The following ULBP2 variants were observed in gnomAD, a reference collection of about 807,000 sequenced individuals.
ULBP2 encodes the protein UL16 binding protein 2.
Under a neutral mutation model 23.6 loss-of-function variants are expected in ULBP2, and 21 were observed. The ratio of observed to expected loss-of-function variants is 0.89; its 90% CI spans 0.63 to 1.28. The LOEUF (loss-of-function observed/expected upper bound fraction) is 1.28. Among genes scored for constraint, ULBP2 ranks in the 50% most tolerant of loss-of-function variants. The pLI, the probability that ULBP2 is intolerant of heterozygous loss-of-function variation, is 0.00. For missense variants in ULBP2, 251 were observed against 306.0 expected, an observed-to-expected ratio of 0.82 and a Z score of 1.34; for synonymous variants, 82 against 112.8, an observed-to-expected ratio of 0.73 and a Z score of 1.73.
intron 4 of ULBP2, among the ~76,000 whole-genome samples, chr6:149,947,863 G>T (rs1468997489): frequency 2.0e-5 from 3 of 152,042 alleles, no homozygotes; most frequent in Non-Finnish European, 2.9e-5. Flanking sequence ...GGTGTGACAG[G>T]GGAAGGGGGA....
At position 149,942,298 on chromosome 6, in the gene ULBP2, CGG is replaced by C. The variant is rs1476883069; in HGVS notation, c.85+142_85+143del. On this transcript the variant is annotated intron_variant, in intron 1 of 4. Coordinates refer to ENST00000367351, the MANE Select transcript of ULBP2 (RefSeq NM_025217.4). ...TGCGCCCCCGTTCAGTTCCGGTCGG[CGG>C]CTCCTTCCTGCTGGGTGCAGTCCCC... 13 of 848,430 alleles carry C rather than the reference CGG, an allele frequency of 1.5e-5. No homozygotes were observed. In the African/African-American group the frequency reaches 2.2e-4, roughly 15 times the overall value. The allele number at this position is 848,430 out of a possible 1,614,324, so 52.6% of individuals were successfully genotyped here. A position where few individuals can be genotyped will look rare whatever the true frequency, so the allele number is the denominator to read the frequency against.
In ULBP2 at chr6:149,942,055, T is replaced by C. The variant is rs192453354; in HGVS notation, c.-18T>C. The C allele has an allele frequency of 6.8e-6, 11 of 1,612,118 alleles. No homozygotes were observed. The Admixed American group carries it at 1.7e-4, about 24-fold the overall frequency. ...CTCCTTCCATCAAGTCTCTCATCCCTAGCGCTCTGGGTCCTTAATGGCAGC... is the reference window on the plus strand; with the variant it reads ...CTCCTTCCATCAAGTCTCTCATCCCCAGCGCTCTGGGTCCTTAATGGCAGC... On this transcript the variant is annotated 5_prime_UTR_variant, in exon 1 of 5. Coordinates refer to ENST00000367351, the MANE Select transcript of ULBP2 (RefSeq NM_025217.4).
chr6:149,942,773 C>T (rs1023745069), intron 1 of ULBP2, among the ~76,000 whole-genome samples: 1 of 152,158 alleles, frequency 6.6e-6, no homozygotes, highest in African/African-American at 2.4e-5. Context: ...AGCTGGTCAC[C>T]CCAGAGGTCT....
intron 2 of ULBP2, among the ~76,000 whole-genome samples, 163 bp from the exon 3 acceptor site, chr6:149,946,206 CAAA>C (rs67763917): frequency 1.6e-5 from 2 of 126,270 alleles, no homozygotes; most frequent in Admixed American, 8.2e-5. Flanking sequence ...GACCCTTTCT[CAAA>C]AAAAAAAAAA....
intron 1 of ULBP2, among the ~76,000 whole-genome samples, chr6:149,942,979 A>C (rs561827653): frequency 2.3e-3 from 356 of 152,312 alleles, no homozygotes; most frequent in African/African-American, 7.6e-3. Context: ...CTTGGGGCCC[A>C]GACCGCCTGT....
rs886613110 is a variant in ULBP2 at position 149,947,236 on chromosome 6, G to A, written c.632-84G>A. On this transcript the variant is annotated intron_variant, in intron 3 of 4. Coordinates refer to ENST00000367351, the MANE Select transcript of ULBP2 (RefSeq NM_025217.4). ...GGACAAAACTTTTGCCTTCCAGGAT[G>A]ACCTAGGGTGGCAGGAACTGAGGAG... The A allele has an allele frequency of 1.9e-6, 3 of 1,570,476 alleles. No homozygotes were observed. The African/African-American group carries it at 4.1e-5, about 21-fold the overall frequency.
intron 1 of ULBP2, among the ~76,000 whole-genome samples, chr6:149,944,836 C>T (rs914749643): frequency 7.3e-6 from 1 of 137,640 alleles, no homozygotes; most frequent in Non-Finnish European, 1.5e-5. Context: ...ATGTTAAATC[C>T]TGTGGCCATG....
In ULBP2 at chr6:149,946,503, G is replaced by A. The variant is rs755510911; in HGVS notation, c.481G>A (p.Val161Ile). The change falls in exon 3 of 5, where the codon GTT becomes ATT. Residue 161 changes from valine (V) to isoleucine (I), a missense_variant. By Grantham distance (29) the Val-to-Ile change is conservative (BLOSUM62 3). Coordinates refer to ENST00000367351, the MANE Select transcript of ULBP2 (RefSeq NM_025217.4). ...FDSEKRMWTT[V>I]HPGARKMKEK... ...CTCAGAGAAGAGAATGTGGACAACG[G>A]TTCATCCTGGAGCCAGAAAGATGAA... is the stretch of plus-strand genomic sequence containing the variant. The A allele has an allele frequency of 2.5e-6, 4 of 1,614,142 alleles. No individual in the cohort carries two copies. The highest frequency in any genetic ancestry group is 1.7e-5 in the Admixed American group (1 of 60,018).
Position 149,946,437 on chromosome 6 carries a change from T to C in ULBP2, c.415T>C (p.Trp139Arg). The change falls in exon 3 of 5, where the codon TGG (tryptophan) becomes CGG (arginine). Residue 139 changes from tryptophan to arginine, a missense_variant. Physicochemically the swap from Trp to Arg is moderately radical, Grantham distance 101 (BLOSUM62 -3). This residue lies in a region of ULBP2 where 248 missense variants were observed against 258.9 expected (regional missense o/e 0.96). Coordinates refer to ENST00000367351, the MANE Select transcript of ULBP2 (RefSeq NM_025217.4). ...AGCTGAAGGACACAGCAGTGGATCT[T>C]GGCAGTTCAGTTTCGATGGGCAGAT... ...QKAEGHSSGS[W>R]QFSFDGQIFL... 2 of 1,614,180 alleles carry C rather than the reference T, an allele frequency of 1.2e-6. No individual in the cohort carries two copies. Among genetic ancestry groups the C allele is most frequent in the Non-Finnish European group, 1.7e-6 (2 of 1,180,034 alleles).
At position 149,943,097 on chromosome 6, in the gene ULBP2, G is replaced by T. The variant is rs375244060; in HGVS notation, c.85+940G>T. On this transcript the variant is annotated intron_variant, in intron 1 of 4. Coordinates refer to ENST00000367351, the MANE Select transcript of ULBP2 (RefSeq NM_025217.4). Reference sequence around the variant, plus strand: ...GGATGCCCTGTGATCTTTGCAGGCCGTGGGTTCTCCGTCTCAGTGTCCAGT... The same window carrying T: ...GGATGCCCTGTGATCTTTGCAGGCCTTGGGTTCTCCGTCTCAGTGTCCAGT... 7.2e-3 allele frequency among the ~76,000 whole-genome samples: 1,100 copies of T among 152,182 alleles called. 47 individuals carry two copies. Among genetic ancestry groups the T allele is most frequent in the Admixed American group, 0.068 (1,045 of 15,288 alleles).
At chr6:149,947,179 G>A (rs1778955863) in intron 3 of ULBP2, 141 bp from the exon 4 acceptor site, 6 of 1,510,168 alleles carry the variant, frequency 4.0e-6, no homozygotes, top group Admixed American at 3.9e-5. Flanking sequence ...GCCAGGACCT[G>A]TCATACTGGC....
At chr6:149,942,728 C>T (rs1778882123) in intron 1 of ULBP2, among the ~76,000 whole-genome samples, 1 of 152,168 alleles carries the variant, frequency 6.6e-6, no homozygotes, top group Non-Finnish European at 1.5e-5. Flanking sequence ...ACTGCCACCA[C>T]CCAGGTCACG....
In ULBP2 at chr6:149,948,824, T is replaced by C; in HGVS notation, c.*124T>C. ...GACCTACGGTGTATGTCCAGTGGCC[T>C]CCAGCAGATCATGATGACATCATGG... On this transcript the variant is annotated 3_prime_UTR_variant, in exon 5 of 5. Transcript: ENST00000367351. The C allele has an allele frequency of 2.2e-6, 1 of 454,880 alleles. No individual in the cohort carries two copies. The highest frequency in any genetic ancestry group is 1.6e-5 in the South Asian group (1 of 64,282). The allele number at this position is 454,880 out of a possible 1,614,324, so 28.2% of individuals were successfully genotyped here.
chr6:149,946,184 G>A (rs1331993017), intron 2 of ULBP2, among the ~76,000 whole-genome samples, 188 bp from the exon 3 acceptor site: 1 of 147,174 alleles, frequency 6.8e-6, no homozygotes, highest in African/African-American at 2.5e-5. Context: ...TCCAGCCTGG[G>A]TGACAGAGCG....
intron 2 of ULBP2, among the ~76,000 whole-genome samples, chr6:149,946,025 G>A (rs71549113): frequency 1.3e-5 from 2 of 150,898 alleles, no homozygotes; most frequent in Non-Finnish European, 2.9e-5. Context: ...GGCGGATCAC[G>A]AGGTTAAGAG....
Position 149,942,100 on chromosome 6 carries a change from C to T in ULBP2, c.28C>T (p.Leu10Phe). The change falls in exon 1 of 5, where the codon CTT becomes TTT. Residue 10 changes from leucine to phenylalanine, a missense_variant. Coordinates refer to ENST00000367351, the MANE Select transcript of ULBP2 (RefSeq NM_025217.4). The stretch of plus-strand genomic sequence containing the variant: ...GGCAGCAGCCGCCGCTACCAAGATC[C>T]TTCTGTGCCTCCCGCTTCTGCTCCT... MAAAAATKILLCLPLLLLLS... is the reference protein window; with the variant it reads MAAAAATKIFLCLPLLLLLS... 6.2e-7 allele frequency: 1 copy of T among 1,613,604 alleles called. No homozygotes were observed. Among genetic ancestry groups the T allele is most frequent in the African/African-American group, 1.3e-5 (1 of 75,052 alleles).
At chr6:149,946,880 G>C (rs959653228) in intron 3 of ULBP2, among the ~76,000 whole-genome samples, 10 of 151,950 alleles carry the variant, frequency 6.6e-5, no homozygotes, top group African/African-American at 2.2e-4. Context: ...CCTGCTCCCC[G>C]CCCTGTGGAT....
Position 149,946,377 on chromosome 6 carries a change from C to G in ULBP2, c.355C>G (p.Leu119Val), listed in dbSNP as rs1240791460. 6.2e-6 allele frequency: 10 copies of G among 1,612,874 alleles called. No individual in the cohort carries two copies. In the Admixed American group the frequency reaches 1.7e-4, roughly 27 times the overall value. ...TCTCTCTCTGATGGGGGCAGAACCC[C>G]TCACCCTGCAGGCAAGGATGTCTTG... ...QLENYTPKEP[L>V]TLQARMSCEQ... is the part of the protein sequence containing the mutation. Residue 119 changes from leucine (L) to valine (V), a missense_variant, in exon 3 of 5, where the codon CTC (leucine) becomes GTC (valine). Physicochemically the swap from Leu to Val is conservative, Grantham distance 32. This residue lies in a region of ULBP2 where 248 missense variants were observed against 258.9 expected (regional missense o/e 0.96). Coordinates refer to ENST00000367351, the MANE Select transcript of ULBP2 (RefSeq NM_025217.4).
At chr6:149,945,809 C>T (rs1489636954) in intron 2 of ULBP2, among the ~76,000 whole-genome samples, 4 of 152,076 alleles carry the variant, frequency 2.6e-5, no homozygotes, top group African/African-American at 7.2e-5. Context: ...GGCATGGTGG[C>T]GCATGCCTGT....
Sources: allele counts gnomAD v4.1 joint callset (sites outside exome capture counted in the v4.1 genomes callset), GRCh38; gene constraint gnomAD v4.1.1; regional missense constraint gnomAD v4.1.1; transcripts MANE v1.5; gene names NCBI Gene and HGNC (gene_info 2026-07-23, HGNC 2026-07-21).